KCNH4: variants seen among roughly 807,000 people sequenced by gnomAD.
KCNH4 encodes voltage-gated delayed rectifier potassium channel KCNH4.
In KCNH4, 33 loss-of-function variants were observed where a neutral mutation model predicts 90.7. The observed-to-expected ratio is 0.36, with a 90% CI of 0.28 to 0.49. The LOEUF (loss-of-function observed/expected upper bound fraction) is 0.49, where lower values mean the gene tolerates loss of function less well. Ranked by LOEUF, KCNH4 falls within the 20% of genes least tolerant of loss-of-function variation. The pLI is 0.98. For missense variants in KCNH4, 1,044 were observed against 1,387.1 expected, an observed-to-expected ratio of 0.75 and a Z score of 3.93; for synonymous variants, 551 against 581.7, an observed-to-expected ratio of 0.95 and a Z score of 0.76.
At chr17:42,160,580 A>C (rs868387257) in intron 15 of KCNH4, 145 bp from the exon 16 acceptor site, 1 of 826,180 alleles carries the variant, frequency 1.2e-6, no homozygotes, top group Non-Finnish European at 1.8e-6. Context: ...ATTTTTGCCT[A>C]GATGGAAAAT....
chr17:42,159,208 G>A (rs956375057), intron 16 of KCNH4, among the ~76,000 whole-genome samples: 2 of 151,950 alleles, frequency 1.3e-5, no homozygotes, highest in African/African-American at 4.8e-5. Flanking sequence ...TGTATTTTTA[G>A]TAGAGATGAG....
intron 8 of KCNH4, 38 bp from the exon 9 acceptor site, chr17:42,169,714 C>A (rs1217489056): frequency 7.5e-6 from 12 of 1,599,396 alleles, no homozygotes; most frequent in Non-Finnish European, 1.0e-5. Context: ...GGGCGGCCAC[C>A]CCTCTGGCCA....
In KCNH4 at chr17:42,171,869, G is replaced by A; in HGVS notation, c.1114C>T (p.Leu372Phe). The A allele has an allele frequency of 7.4e-6, 12 of 1,614,202 alleles. No individual in the cohort carries two copies. Among genetic ancestry groups the A allele is most frequent in the Non-Finnish European group, 8.5e-6 (10 of 1,180,042 alleles). Residue 372 changes from leucine to phenylalanine, a missense_variant, in exon 7 of 17, where the codon CTT becomes TTT. Coordinates refer to ENST00000264661, the MANE Select transcript of KCNH4 (RefSeq NM_012285.3). ...CAGATGCAGGCCATCCAGTGGGCAA[G>A]GAGCGCAAAGACCGACATGAGCAGC... is the stretch of plus-strand genomic sequence containing the variant. ...LTLLMSVFAL[L>F]AHWMACIWYV...
At chr17:42,166,652 T>G in intron 9 of KCNH4, 106 bp from the exon 10 acceptor site, 1 of 1,416,522 alleles carries the variant, frequency 7.1e-7, no homozygotes, top group Non-Finnish European at 9.6e-7. Context: ...TGCCCTTGCT[T>G]TGAAGTCACC....
In KCNH4 at chr17:42,163,731, A is replaced by G; in HGVS notation, c.2352T>C (p.Pro784=). 6.5e-7 allele frequency: 1 copy of G among 1,538,208 alleles called. No individual in the cohort carries two copies. Among genetic ancestry groups the G allele is most frequent in the Admixed American group, 2.1e-5 (1 of 46,820 alleles). Residue 784 remains proline, a synonymous_variant, in exon 13 of 17, where the codon CCT becomes CCC. Coordinates refer to ENST00000264661, the MANE Select transcript of KCNH4 (RefSeq NM_012285.3). This position sits in a 1 kb window ranked among gnomAD's most constrained non-coding sequence, Gnocchi z 5.4. ...SSPSLSPSLS[P]ALAGQGHSAS... ...CACTGTGGCCCTGGCCAGCCAGGGC[A>G]GGGGACAGGGATGGGGATAAGGAAG...
intron 9 of KCNH4, among the ~76,000 whole-genome samples, chr17:42,167,021 C>T (rs2079793084): frequency 1.3e-5 from 2 of 152,204 alleles, no homozygotes; most frequent in Non-Finnish European, 2.9e-5. Flanking sequence ...ATGTTCACAT[C>T]CTCATATGGA....
At chr17:42,164,726 C>T (rs994392554) in intron 11 of KCNH4, among the ~76,000 whole-genome samples, 3 of 151,988 alleles carry the variant, frequency 2.0e-5, no homozygotes, top group Admixed American at 6.6e-5. Context: ...CACTTGAACC[C>T]GGGAGGCGGA....
intron 16 of KCNH4, among the ~76,000 whole-genome samples, chr17:42,157,998 G>A (rs1019158272): frequency 2.6e-5 from 4 of 151,702 alleles, no homozygotes; most frequent in Non-Finnish European, 5.9e-5. Flanking sequence ...GCACGATCTC[G>A]GCTCACTGCA....
In KCNH4 at chr17:42,159,904, A is replaced by G; in HGVS notation, c.*136T>C. The G allele has an allele frequency of 1.7e-6, 1 of 588,752 alleles. No individual in the cohort carries two copies. Among genetic ancestry groups the G allele is most frequent in the Non-Finnish European group, 2.7e-6 (1 of 367,142 alleles). 36.5% of individuals were successfully genotyped at this position (588,752 alleles called of 1,614,324 possible). A position where few individuals can be genotyped will look rare whatever the true frequency, so the allele number is the denominator to read the frequency against. On this transcript the variant is annotated 3_prime_UTR_variant, in exon 16 of 17. Coordinates refer to ENST00000264661, the MANE Select transcript of KCNH4 (RefSeq NM_012285.3). ...CGTCAGAGGTAACCACGCTTCATTA[A>G]AAAGTCCAGAAATCCAGAGCCAACC... is the stretch of plus-strand genomic sequence containing the variant.
chr17:42,158,544 T>A (rs1387390310), intron 16 of KCNH4, among the ~76,000 whole-genome samples: 11 of 110,826 alleles, frequency 9.9e-5, no homozygotes, highest in Non-Finnish European at 1.1e-4. Context: ...AAAAAAAAAA[T>A]ATTTTTATAG....
intron 4 of KCNH4, among the ~76,000 whole-genome samples, chr17:42,177,048 T>C (rs2079866936): frequency 6.6e-6 from 1 of 151,890 alleles, no homozygotes; most frequent in Admixed American, 6.6e-5. Context: ...TGCACCACCA[T>C]AGCCAGATAA....
At chr17:42,165,356 G>A (rs1490519187) in intron 11 of KCNH4, 93 bp downstream of exon 11, 17 of 1,499,230 alleles carry the variant, frequency 1.1e-5, no homozygotes, top group Non-Finnish European at 1.5e-5. Context: ...GTGTTTTTAG[G>A]GTGGAGGGAG....
At position 42,175,808 on chromosome 17, in the gene KCNH4, G is replaced by A. The variant is rs867235744; in HGVS notation, c.830-72C>T. Reference sequence around the variant, plus strand: ...AAGAAACCGACAAAGCTGGGAACAAGCTTTGGAGACTGGAGGAGGAGGCAG... The same window carrying A: ...AAGAAACCGACAAAGCTGGGAACAAACTTTGGAGACTGGAGGAGGAGGCAG... On this transcript the variant is annotated intron_variant, in intron 5 of 16. Coordinates refer to ENST00000264661, the MANE Select transcript of KCNH4 (RefSeq NM_012285.3). 9 of 1,566,878 alleles carry A rather than the reference G, an allele frequency of 5.7e-6. No homozygotes were observed. The Middle Eastern group carries it at 8.9e-4, about 155-fold the overall frequency.
At chr17:42,178,510 T>C (rs1453284194) in intron 2 of KCNH4, 33 bp from the exon 3 acceptor site, 2 of 1,612,280 alleles carry the variant, frequency 1.2e-6, no homozygotes, top group Non-Finnish European at 1.7e-6. Flanking sequence ...GGGAGGAGCA[T>C]GGGCAGCCCC....
chr17:42,162,570 G>C (rs2079756466), intron 14 of KCNH4, among the ~76,000 whole-genome samples: 1 of 151,802 alleles, frequency 6.6e-6, no homozygotes, highest in South Asian at 2.1e-4. Flanking sequence ...GCATCCCTCT[G>C]GTTTTCATGC....
At position 42,166,430 on chromosome 17, in the gene KCNH4, C is replaced by T. The variant is rs757602415; in HGVS notation, c.1707G>A (p.Ser569=). 1.9e-5 allele frequency: 30 copies of T among 1,613,970 alleles called. No individual in the cohort carries two copies. Among genetic ancestry groups the T allele is most frequent in the African/African-American group, 4.0e-5 (3 of 74,914 alleles). Residue 569 remains serine, a synonymous_variant, in exon 10 of 17, where the codon TCG becomes TCA. Coordinates refer to ENST00000264661, the MANE Select transcript of KCNH4 (RefSeq NM_012285.3). ...CGCAGAACGAGGTCTTGATGTGCAG[C>T]GATAGGGCCCGCAGGCAGCCCCTGC... ...AASRGCLRAL[S]LHIKTSFCAP...
At chr17:42,168,676 T>C (rs542976633) in intron 9 of KCNH4, among the ~76,000 whole-genome samples, 1 of 152,282 alleles carries the variant, frequency 6.6e-6, no homozygotes, top group East Asian at 1.9e-4. Flanking sequence ...AGCAAGAATT[T>C]GTATTTTGGG....
Position 42,160,246 on chromosome 17 carries a change from C to G in KCNH4, c.2848G>C (p.Asp950His), listed in dbSNP as rs769956090. ...CAGTGAACTTCAGCAAGCGTAGTAT[C>G]CTGGAGGCTGGGTGGTGGTCTGGAC... ...CASRPPPSLQ[D>H]TTLAEVHCPA... Residue 950 changes from aspartate (D) to histidine (H), a missense_variant, in exon 16 of 17, where the codon GAT (aspartate) becomes CAT (histidine). Asp to His is a moderately conservative substitution (Grantham distance 81). Around this residue, in one of 4 missense-constraint regions of KCNH4, gnomAD observed 441 missense variants for 512.3 expected, o/e 0.86. Transcript: ENST00000264661. 1.2e-6 allele frequency: 2 copies of G among 1,614,110 alleles called. No homozygotes were observed. Among genetic ancestry groups the G allele is most frequent in the Non-Finnish European group, 1.7e-6 (2 of 1,179,984 alleles).
intron 6 of KCNH4, 113 bp downstream of exon 6, chr17:42,175,466 T>C (rs1349814627): frequency 1.7e-6 from 2 of 1,208,434 alleles, no homozygotes; most frequent in Admixed American, 1.7e-5. Context: ...GATAAATATC[T>C]GCAGATGGAT....
Sources: allele counts gnomAD v4.1 joint callset (sites outside exome capture counted in the v4.1 genomes callset), GRCh38; gene constraint gnomAD v4.1.1; regional missense constraint gnomAD v4.1.1; non-coding constraint Gnocchi (gnomAD v3.1); transcripts MANE v1.5; gene names NCBI Gene and HGNC (gene_info 2026-07-23, HGNC 2026-07-21).